LRRC4C: variants seen among roughly 807,000 people sequenced by gnomAD.
LRRC4C encodes the protein leucine-rich repeat-containing protein 4C.
In LRRC4C, 5 loss-of-function variants were observed where a neutral mutation model predicts 33.6. The observed-to-expected ratio is 0.15, with a 90% CI of 0.08 to 0.31. LRRC4C has a LOEUF of 0.31. LRRC4C is among the 10% of genes least tolerant of loss of function. The pLI is 1.00. For synonymous variants in LRRC4C, 329 were observed against 302.0 expected, an observed-to-expected ratio of 1.09 and a Z score of -0.93; for missense variants, 560 against 796.7, an observed-to-expected ratio of 0.70 and a Z score of 3.58.
intron 1 of LRRC4C, among the ~76,000 whole-genome samples, chr11:41,075,037 A>T (rs11036216): frequency 0.012 from 345 of 28,166 alleles, no homozygotes; most frequent in African/African-American, 0.036. Context: ...TTTTTTTTTT[A>T]TTTTTAATGT....
rs1011731458 is a variant in LRRC4C, at chr11:40,215,995, G to A, written c.-96+25524C>T. Among the ~76,000 whole-genome samples the A allele has an allele frequency of 3.3e-5, 5 of 152,218 alleles. No homozygotes were observed. The East Asian group carries it at 7.7e-4, about 24-fold the overall frequency. ...AGAAACATGGCCTTCTTTGTTCAAC[G>A]CTGGTAATGAGATTAATCTGTATTT... On this transcript the variant is annotated intron_variant, in intron 5 of 6. Transcript: ENST00000528697.
intron 2 of LRRC4C, among the ~76,000 whole-genome samples, chr11:40,715,304 A>G (rs551561201): frequency 6.6e-6 from 1 of 152,352 alleles, no homozygotes; most frequent in East Asian, 1.9e-4. Context: ...AATAGTTTTC[A>G]CTAGTAATCA....
chr11:41,206,046 T>C (rs981804616), intron 1 of LRRC4C, among the ~76,000 whole-genome samples: 1 of 152,036 alleles, frequency 6.6e-6, no homozygotes, highest in African/African-American at 2.4e-5. Flanking sequence ...AACTTCCAAT[T>C]GAGATAAGAA....
chr11:41,185,867 A>C (rs192830498), intron 1 of LRRC4C, among the ~76,000 whole-genome samples: 1 of 152,206 alleles, frequency 6.6e-6, no homozygotes, highest in Admixed American at 6.5e-5. Flanking sequence ...TAAAAACCAA[A>C]ATTTTAAAAA....
At chr11:40,766,004 C>A (rs148662768) in intron 2 of LRRC4C, among the ~76,000 whole-genome samples, 3 of 150,470 alleles carry the variant, frequency 2.0e-5, no homozygotes, top group African/African-American at 7.3e-5. Flanking sequence ...CAGATTTAGC[C>A]CAAATAACAC....
intron 2 of LRRC4C, among the ~76,000 whole-genome samples, chr11:40,765,038 C>T (rs1949385669): frequency 6.6e-6 from 1 of 152,104 alleles, no homozygotes; most frequent in Admixed American, 6.6e-5. Context: ...TACTGACAAA[C>T]ATTCACCAGC....
At chr11:40,209,598 A>G (rs925498530) in intron 5 of LRRC4C, among the ~76,000 whole-genome samples, 5 of 152,094 alleles carry the variant, frequency 3.3e-5, no homozygotes, top group Non-Finnish European at 7.4e-5. Flanking sequence ...GCTGGAATAC[A>G]CTGGTGCGAT....
intron 3 of LRRC4C, among the ~76,000 whole-genome samples, chr11:40,325,447 T>C (rs1946050074): frequency 6.6e-6 from 1 of 151,926 alleles, no homozygotes; most frequent in Non-Finnish European, 1.5e-5. Context: ...GCCTCGGCAA[T>C]ATAGCGAGGC....
intron 2 of LRRC4C, among the ~76,000 whole-genome samples, chr11:40,794,359 C>T (rs11604297): frequency 7.7e-6 from 1 of 130,636 alleles, no homozygotes; most frequent in African/African-American, 2.8e-5. Flanking sequence ...CAAAGCCACT[C>T]TCATAAACGC....
intron 5 of LRRC4C, among the ~76,000 whole-genome samples, chr11:40,224,731 T>G (rs1817593830): frequency 6.6e-6 from 1 of 152,222 alleles, no homozygotes; most frequent in African/African-American, 2.4e-5. Context: ...CATCTAAGAA[T>G]AATGTGACAA....
intron 4 of LRRC4C, among the ~76,000 whole-genome samples, chr11:40,316,940 T>TA (rs60188429): frequency 0.98 from 148,447 of 151,728 alleles, 72,732 homozygotes; most frequent in Middle Eastern, 1. Context: ...CCTAATATGC[T>TA]AAAAAAGATG....
At chr11:40,970,817 G>T (rs909860442) in intron 1 of LRRC4C, among the ~76,000 whole-genome samples, 1 of 152,190 alleles carries the variant, frequency 6.6e-6, no homozygotes, top group South Asian at 2.1e-4. Context: ...CTGGAGTAAA[G>T]GTCACTTTTG....
At chr11:40,531,559 T>G (rs1272037727) in intron 3 of LRRC4C, among the ~76,000 whole-genome samples, 1 of 152,146 alleles carries the variant, frequency 6.6e-6, no homozygotes, top group African/African-American at 2.4e-5. Flanking sequence ...TATTTAGAAC[T>G]TGGTTTCAGT....
chr11:40,821,558 A>T (rs1013083260), intron 2 of LRRC4C, among the ~76,000 whole-genome samples: 19 of 151,622 alleles, frequency 1.3e-4, no homozygotes, highest in African/African-American at 4.6e-4. Context: ...ATTAATAGAT[A>T]AGTTGTAGAC....
chr11:41,316,252 C>G (rs1226753241), intron 1 of LRRC4C, among the ~76,000 whole-genome samples: 1 of 102,200 alleles, frequency 9.8e-6, no homozygotes, highest in Non-Finnish European at 1.9e-5. Flanking sequence ...CAGTAAAAAT[C>G]TCTGGATGGC....
At chr11:40,934,858 T>A (rs541636235) in intron 1 of LRRC4C, among the ~76,000 whole-genome samples, 7 of 152,294 alleles carry the variant, frequency 4.6e-5, no homozygotes, top group Admixed American at 2.0e-4. Flanking sequence ...ATAAGCTATT[T>A]ATATTTAGAA....
chr11:40,439,238 C>A (rs1463144398), intron 3 of LRRC4C, among the ~76,000 whole-genome samples: 1 of 151,410 alleles, frequency 6.6e-6, no homozygotes, highest in Non-Finnish European at 1.5e-5. Context: ...CTGGGCCTGG[C>A]CTATAAGTTG....
At chr11:40,372,650 G>A (rs952017836) in intron 3 of LRRC4C, among the ~76,000 whole-genome samples, 7 of 152,126 alleles carry the variant, frequency 4.6e-5, no homozygotes, top group African/African-American at 1.4e-4. Context: ...CAGTCATCCT[G>A]GACGTTCTAC....
chr11:41,290,301 GCC>G (rs1949954000), intron 1 of LRRC4C, among the ~76,000 whole-genome samples: 1 of 152,178 alleles, frequency 6.6e-6, no homozygotes. Context: ...AAGCACTCCT[GCC>G]TTTCTATACA....
Sources: gnomAD v4.1 joint callset for allele counts (sites outside exome capture counted in the v4.1 genomes callset) on GRCh38, gnomAD v4.1.1 for gene constraint, MANE v1.5 for transcripts, NCBI Gene and HGNC (gene_info 2026-07-23, HGNC 2026-07-21) for gene names.